Variants in OPCML observed in about 807,000 individuals in gnomAD.
OPCML encodes opioid-binding protein/cell adhesion molecule.
Under a neutral mutation model 37.8 loss-of-function variants are expected in OPCML, and 13 were observed. That is an observed-to-expected ratio of 0.34 (90% confidence interval 0.22 to 0.55). The LOEUF is 0.55. Ranked by LOEUF, OPCML falls within the 20% of genes least tolerant of loss-of-function variation. OPCML has a pLI of 0.91. For synonymous variants in OPCML, 176 were observed against 168.8 expected, an observed-to-expected ratio of 1.04 and a Z score of -0.33; for missense variants, 341 against 435.6, an observed-to-expected ratio of 0.78 and a Z score of 1.93.
At chr11:133,036,152 T>C (rs562452348) in intron 1 of OPCML, among the ~76,000 whole-genome samples, 12 of 152,282 alleles carry the variant, frequency 7.9e-5, no homozygotes, top group African/African-American at 2.6e-4. Context: ...AAAAGAAAAG[T>C]TGGTGTCCAG....
intron 2 of OPCML, among the ~76,000 whole-genome samples, chr11:132,697,685 T>A (rs915112501): frequency 2.0e-5 from 3 of 152,314 alleles, no homozygotes; most frequent in Admixed American, 6.5e-5. Context: ...TGGATGCTTA[T>A]GTGGATTCCA....
In OPCML at chr11:133,337,047, T is replaced by A. The variant is rs147873427; in HGVS notation, c.61+195217A>T. 7.2e-5 allele frequency among the ~76,000 whole-genome samples: 11 copies of A among 152,314 alleles called. No individual in the cohort carries two copies. The East Asian group carries it at 2.1e-3, about 29-fold the overall frequency. On this transcript the variant is annotated intron_variant, in intron 1 of 7. Transcript: ENST00000524381. ...AGAATGGCCTCACACAGGCACAGCA[T>A]CTTATCTTAGAGGCAAAAGAGAAGC... is the stretch of plus-strand genomic sequence containing the variant.
chr11:133,389,295 T>G (rs911414050), intron 1 of OPCML, among the ~76,000 whole-genome samples: 3 of 152,176 alleles, frequency 2.0e-5, no homozygotes, highest in African/African-American at 7.2e-5. Flanking sequence ...CACTGAGAGA[T>G]AGATGATTGT....
At chr11:133,170,208 G>T (rs1225658674) in intron 1 of OPCML, among the ~76,000 whole-genome samples, 1 of 152,212 alleles carries the variant, frequency 6.6e-6, no homozygotes, top group African/African-American at 2.4e-5. Context: ...TGGGCACGGT[G>T]GCTCACGCCT....
intron 2 of OPCML, among the ~76,000 whole-genome samples, chr11:132,698,954 T>C (rs1172631908): frequency 6.6e-6 from 1 of 152,172 alleles, no homozygotes; most frequent in Non-Finnish European, 1.5e-5. Context: ...TCGCTTTGGG[T>C]ATTGCAGACA....
intron 1 of OPCML, among the ~76,000 whole-genome samples, chr11:133,373,262 T>C (rs543409865): frequency 2.8e-4 from 43 of 151,734 alleles, no homozygotes; most frequent in African/African-American, 1.0e-3. Flanking sequence ...TTCCTGTTCC[T>C]TATGAAAATA....
intron 1 of OPCML, among the ~76,000 whole-genome samples, chr11:133,109,938 G>T (rs1187652189): frequency 6.6e-6 from 1 of 152,194 alleles, no homozygotes; most frequent in Non-Finnish European, 1.5e-5. Flanking sequence ...GAAGCCTCAA[G>T]CCCAGCAATT....
At chr11:133,215,892 C>A (rs1010617873) in intron 1 of OPCML, among the ~76,000 whole-genome samples, 42 of 152,328 alleles carry the variant, frequency 2.8e-4, no homozygotes, top group African/African-American at 7.2e-4. Flanking sequence ...TGAGTACAAT[C>A]CCAGCCCCAT....
chr11:132,597,607 C>A (rs1487069606), intron 3 of OPCML, among the ~76,000 whole-genome samples: 1 of 152,172 alleles, frequency 6.6e-6, no homozygotes, highest in Non-Finnish European at 1.5e-5. Flanking sequence ...TATTGATTAA[C>A]ACGAGGTCTG....
intron 1 of OPCML, among the ~76,000 whole-genome samples, chr11:133,057,767 T>C (rs1276047086): frequency 1.3e-5 from 2 of 152,264 alleles, no homozygotes; most frequent in African/African-American, 2.4e-5. Context: ...GTTCAATCCA[T>C]TGGGTTTTCT....
chr11:133,156,984 C>T lies in OPCML; in HGVS notation c.62-213974G>A, dbSNP rs554589504. Among the ~76,000 whole-genome samples, 14 of 152,212 alleles carry T rather than the reference C, an allele frequency of 9.2e-5. No individual in the cohort carries two copies. In the East Asian group the frequency reaches 2.7e-3, roughly 29 times the overall value. ...CAGCCTGTTCCCTGCTCACCCCACA[C>T]GTTTCAGCTCATGAAACCACTTAAG... On this transcript the variant is annotated intron_variant, in intron 1 of 7. Transcript: ENST00000524381.
chr11:133,081,253 T>C (rs183711000), intron 1 of OPCML, among the ~76,000 whole-genome samples: 1 of 152,038 alleles, frequency 6.6e-6, no homozygotes, highest in Non-Finnish European at 1.5e-5. Context: ...CTTTGAACAG[T>C]TAATTCTCCG....
At chr11:132,519,333 G>T (rs1271455172) in intron 4 of OPCML, among the ~76,000 whole-genome samples, 1 of 152,016 alleles carries the variant, frequency 6.6e-6, no homozygotes, top group Non-Finnish European at 1.5e-5. Context: ...TTAGCACTCC[G>T]GAGTTTGGGT....
rs2095944395 is a variant in OPCML, at chr11:132,418,004, C to T, written c.*2189G>A. 1 of 152,178 alleles carries T rather than the reference C, an allele frequency of 6.6e-6. No homozygotes were observed. The highest frequency in any genetic ancestry group is 1.5e-5 in the Non-Finnish European group (1 of 68,050). The allele number at this position is 152,178 out of a possible 1,614,324, so 9.4% of individuals were successfully genotyped here. ...CTCACACCAGCTCTACCTCTTAAGACAGTGCTTAGCATTTAGTGTGCCAAG... is the reference window on the plus strand; with the variant it reads ...CTCACACCAGCTCTACCTCTTAAGATAGTGCTTAGCATTTAGTGTGCCAAG... On this transcript the variant is annotated 3_prime_UTR_variant, in exon 8 of 8. Coordinates refer to ENST00000524381, the MANE Select transcript of OPCML (RefSeq NM_001012393.5).
intron 3 of OPCML, among the ~76,000 whole-genome samples, chr11:132,610,454 C>G (rs556586392): frequency 1.3e-5 from 2 of 152,326 alleles, no homozygotes; most frequent in South Asian, 4.1e-4. Context: ...ACAAAACACA[C>G]TAGGAGGAAG....
chr11:132,457,761 G>T (rs189112248), intron 4 of OPCML, among the ~76,000 whole-genome samples: 18 of 152,294 alleles, frequency 1.2e-4, no homozygotes, highest in African/African-American at 4.3e-4. Context: ...CAGCTGCCTG[G>T]TGTACGGTCT....
At chr11:132,972,536 C>A (rs372476181) in intron 1 of OPCML, among the ~76,000 whole-genome samples, 47 of 152,268 alleles carry the variant, frequency 3.1e-4, no homozygotes, top group African/African-American at 1.1e-3. Context: ...TCTTCGTGTG[C>A]GTTTTTATTA....
intron 2 of OPCML, among the ~76,000 whole-genome samples, chr11:132,785,702 G>A (rs1245902932): frequency 6.6e-6 from 1 of 152,188 alleles, no homozygotes; most frequent in African/African-American, 2.4e-5. Flanking sequence ...GGCTTTGTAA[G>A]GAGCCACGTG....
At chr11:133,462,903 T>C (rs1233208410) in intron 1 of OPCML, among the ~76,000 whole-genome samples, 1 of 152,088 alleles carries the variant, frequency 6.6e-6, no homozygotes, top group Non-Finnish European at 1.5e-5. Flanking sequence ...ATAGCCTTCA[T>C]TACAATAGCC....
Sources: gnomAD v4.1 joint callset for allele counts (sites outside exome capture counted in the v4.1 genomes callset) on GRCh38, gnomAD v4.1.1 for gene constraint, MANE v1.5 for transcripts, NCBI Gene and HGNC (gene_info 2026-07-23, HGNC 2026-07-21) for gene names.